The following ZDHHC3 variants were observed in gnomAD, a reference collection of about 807,000 sequenced individuals.
ZDHHC3 encodes zDHHC palmitoyltransferase 3.
In ZDHHC3, 9 loss-of-function variants were observed where a neutral mutation model predicts 30.6. That is an observed-to-expected ratio of 0.29 (90% confidence interval 0.18 to 0.51). ZDHHC3 has a LOEUF of 0.51. ZDHHC3 is among the 20% of genes least tolerant of loss of function. The pLI is 0.97. For synonymous variants in ZDHHC3, 136 were observed against 140.2 expected (o/e 0.97, Z 0.21); for missense variants, 246 against 384.2 (o/e 0.64, Z 3.01).
chr3:44,928,064 C>G (rs1288654138), intron 6 of ZDHHC3, among the ~76,000 whole-genome samples: 1 of 152,230 alleles, frequency 6.6e-6, no homozygotes, highest in Non-Finnish European at 1.5e-5. Flanking sequence ...CCGGCAGTAT[C>G]CCAATGGCAG....
intron 1 of ZDHHC3, among the ~76,000 whole-genome samples, chr3:44,968,354 T>A (rs1705131860): frequency 6.6e-6 from 1 of 152,094 alleles, no homozygotes; most frequent in Non-Finnish European, 1.5e-5. Flanking sequence ...AAAAAGGCAC[T>A]CTAAGCAGAC....
intron 5 of ZDHHC3, chr3:44,932,800 AGC>A: frequency 1.0e-6 from 1 of 1,002,432 alleles, no homozygotes; most frequent in Non-Finnish European, 1.5e-6. Context: ...CTTCTCTCCC[AGC>A]ATGGCTCCCA....
At chr3:44,927,492 G>A (rs374021028) in intron 6 of ZDHHC3, among the ~76,000 whole-genome samples, 36 of 152,362 alleles carry the variant, frequency 2.4e-4, no homozygotes, top group African/African-American at 8.2e-4. Flanking sequence ...AATGAGGGGA[G>A]AAGTCACCAG....
chr3:44,932,709 GA>G (rs759987442), intron 5 of ZDHHC3, among the ~76,000 whole-genome samples: 56 of 152,328 alleles, frequency 3.7e-4, no homozygotes, highest in Non-Finnish European at 6.6e-4. Flanking sequence ...GTCCTAGCCA[GA>G]AAGTAAAAAA....
chr3:44,938,921 C>T (rs868318588), intron 3 of ZDHHC3, among the ~76,000 whole-genome samples: 7 of 152,232 alleles, frequency 4.6e-5, no homozygotes, highest in Admixed American at 1.3e-4. Context: ...GACCTGAGTC[C>T]GCTGAGCTAC....
intron 3 of ZDHHC3, among the ~76,000 whole-genome samples, chr3:44,939,232 C>A (rs1215792852): frequency 6.6e-6 from 1 of 152,222 alleles, no homozygotes; most frequent in Non-Finnish European, 1.5e-5. Flanking sequence ...GAAGTACCAG[C>A]AAGTCCATTA....
At chr3:44,958,283 C>G (rs576408850) in intron 2 of ZDHHC3, among the ~76,000 whole-genome samples, 58 of 152,302 alleles carry the variant, frequency 3.8e-4, no homozygotes, top group African/African-American at 1.3e-3. Flanking sequence ...AGAACTAGCT[C>G]AGGCCCATTA....
intron 3 of ZDHHC3, among the ~76,000 whole-genome samples, chr3:44,944,158 T>G (rs987239719): frequency 6.6e-6 from 1 of 151,978 alleles, no homozygotes; most frequent in Non-Finnish European, 1.5e-5. Flanking sequence ...AAAAAAATTT[T>G]TTTTTTTTGA....
intron 3 of ZDHHC3, among the ~76,000 whole-genome samples, chr3:44,944,725 T>C (rs1434666262): frequency 2.6e-5 from 4 of 152,242 alleles, no homozygotes; most frequent in Admixed American, 6.5e-5. Context: ...TCATAACCTT[T>C]AGAAGTTTTA....
Position 44,933,196 on chromosome 3 carries a change from A to G in ZDHHC3, c.532T>C (p.Tyr178His). The change falls in exon 5 of 7, where the codon TAC becomes CAC. Residue 178 changes from tyrosine (Y) to histidine (H), a missense_variant. Tyr to His is a moderately conservative substitution (Grantham distance 83, BLOSUM62 2). Transcript: ENST00000424952. Reference protein sequence around the residue: ...NQKYFVLFTMYIALISLHALI... With the variant: ...NQKYFVLFTMHIALISLHALI... Reference sequence around the variant, plus strand: ...GCGTGCAAGGAAATGAGAGCTATGTACATCTGAAACAGGAAACCAGTGCAG... The same window carrying G: ...GCGTGCAAGGAAATGAGAGCTATGTGCATCTGAAACAGGAAACCAGTGCAG... 1 of 1,614,162 alleles carries G rather than the reference A, an allele frequency of 6.2e-7. No individual in the cohort carries two copies. Among genetic ancestry groups the G allele is most frequent in the East Asian group, 2.2e-5 (1 of 44,888 alleles).
At chr3:44,944,015 T>C (rs974302505) in intron 3 of ZDHHC3, among the ~76,000 whole-genome samples, 1 of 152,138 alleles carries the variant, frequency 6.6e-6, no homozygotes, top group African/African-American at 2.4e-5. Flanking sequence ...CTCACTTTGT[T>C]GCACAGGCTG....
At chr3:44,973,479 A>G (rs1173680408) in intron 1 of ZDHHC3, among the ~76,000 whole-genome samples, 1 of 151,892 alleles carries the variant, frequency 6.6e-6, no homozygotes, top group African/African-American at 2.4e-5. Context: ...TTTTTTTGAG[A>G]TGGAGTTTCG....
intron 1 of ZDHHC3, chr3:44,975,340 A>C (rs1038602183): frequency 6.6e-6 from 1 of 152,190 alleles, no homozygotes; most frequent in Non-Finnish European, 1.5e-5. Flanking sequence ...GCAACTGCTC[A>C]CAGCTCCCAG....
intron 2 of ZDHHC3, among the ~76,000 whole-genome samples, chr3:44,951,232 ATC>A (rs778782454): frequency 3.8e-4 from 58 of 152,360 alleles, no homozygotes; most frequent in Middle Eastern, 3.4e-3. Flanking sequence ...ACCAATTTAA[ATC>A]TGTTTTAAAA....
chr3:44,951,774 C>T (rs973449599), intron 2 of ZDHHC3, among the ~76,000 whole-genome samples: 3 of 152,156 alleles, frequency 2.0e-5, no homozygotes, highest in South Asian at 2.1e-4. Context: ...GGGAACTGTT[C>T]GCACCAGGTC....
chr3:44,923,780 G>A lies in ZDHHC3; in HGVS notation c.*2909C>T. 1.0e-6 allele frequency: 1 copy of A among 982,698 alleles called. No individual in the cohort carries two copies. The highest frequency in any genetic ancestry group is 1.7e-5 in the African/African-American group (1 of 57,304). 60.9% of individuals were successfully genotyped at this position (982,698 alleles called of 1,614,324 possible). ...ATTGTGCCACTGCATTCCAGCCTGGGTGACAGAGCAAGACCTTGTCTCAAA... is the reference window on the plus strand; with the variant it reads ...ATTGTGCCACTGCATTCCAGCCTGGATGACAGAGCAAGACCTTGTCTCAAA... On this transcript the variant is annotated 3_prime_UTR_variant, in exon 7 of 7. Transcript: ENST00000424952.
intron 5 of ZDHHC3, 196 bp downstream of exon 5, chr3:44,932,917 GAAGTT>G: frequency 1.2e-6 from 2 of 1,614,132 alleles, no homozygotes; most frequent in Non-Finnish European, 1.7e-6. Context: ...CTGTCGAACT[GAAGTT>G]AAGGGGCTGC....
rs1037538848 is a variant in ZDHHC3, at chr3:44,933,055, C to T, written c.610+63G>A. 8.1e-6 allele frequency: 13 copies of T among 1,611,576 alleles called. No individual in the cohort carries two copies. The East Asian group carries it at 1.1e-4, about 14-fold the overall frequency. Reference sequence around the variant, plus strand: ...CCATGAAGGAAACAAAGAGCCTCCCCGCCCCCCACTCAGGTCACACACCCA... The same window carrying T: ...CCATGAAGGAAACAAAGAGCCTCCCTGCCCCCCACTCAGGTCACACACCCA... On this transcript the variant is annotated intron_variant, in intron 5 of 6. Transcript: ENST00000424952.
At chr3:44,933,318 A>C in intron 4 of ZDHHC3, 119 bp from the exon 5 acceptor site, 1 of 846,416 alleles carries the variant, frequency 1.2e-6, no homozygotes, top group Non-Finnish European at 1.9e-6. Flanking sequence ...ACAAGGCCTG[A>C]CCAGGAGGGA....
Sources: allele counts gnomAD v4.1 joint callset (sites outside exome capture counted in the v4.1 genomes callset), GRCh38; gene constraint gnomAD v4.1.1; transcripts MANE v1.5; gene names NCBI Gene and HGNC (gene_info 2026-07-23, HGNC 2026-07-21).